The following FRMD6 variants were observed in gnomAD, a reference collection of about 807,000 sequenced individuals.
FRMD6 encodes FERM domain-containing protein 6.
FRMD6 carries 37 observed loss-of-function variants against 73.2 expected under a neutral mutation model. The observed-to-expected ratio is 0.51, with a 90% CI of 0.39 to 0.66. FRMD6 has a LOEUF of 0.66. Ranked by LOEUF, FRMD6 falls within the 30% of genes least tolerant of loss-of-function variation. The pLI is 0.00. For synonymous variants in FRMD6, 273 were observed against 282.2 expected, an observed-to-expected ratio of 0.97 and a Z score of 0.33; for missense variants, 714 against 780.5, an observed-to-expected ratio of 0.91 and a Z score of 1.02.
At chr14:51,597,209 A>G (rs1270191681) in intron 2 of FRMD6, among the ~76,000 whole-genome samples, 1 of 152,220 alleles carries the variant, frequency 6.6e-6, no homozygotes, top group Admixed American at 6.5e-5. Context: ...ATTCTACCAT[A>G]GAGAGCTTAT....
At chr14:51,468,107 G>C in the FRMD6 span, among the ~76,000 whole-genome samples, 1 of 152,044 alleles carries the variant, frequency 6.6e-6, no homozygotes, top group Non-Finnish European at 1.5e-5. Context: ...CGGCCAATAC[G>C]GCGAAACCCC....
At chr14:51,703,814 A>G (rs1053650971) in intron 5 of FRMD6, among the ~76,000 whole-genome samples, 4 of 152,098 alleles carry the variant, frequency 2.6e-5, no homozygotes, top group Non-Finnish European at 4.4e-5. Context: ...GTTTATTGTT[A>G]TCTGCTAATG....
intron 1 of FRMD6, among the ~76,000 whole-genome samples, chr14:51,500,459 G>A (rs962541080): frequency 2.6e-5 from 4 of 152,088 alleles, no homozygotes; most frequent in Non-Finnish European, 5.9e-5. Context: ...CCCTGGAAGC[G>A]GAGGTGGCAG....
In FRMD6 at chr14:51,605,967, T is replaced by C. The variant is rs11850618; in HGVS notation, c.-147+35557T>C. 7.6e-3 allele frequency among the ~76,000 whole-genome samples: 1,164 copies of C among 152,242 alleles called. 12 individuals are homozygous for C. Among genetic ancestry groups the C allele is most frequent in the African/African-American group, 0.027 (1,106 of 41,522 alleles). On this transcript the variant is annotated intron_variant, in intron 2 of 14. Coordinates refer to the FRMD6 transcript ENST00000356218. ...GCTCCATGCTGTTGTCTTCAGAGGGTCAGAGAAATTGGTGTCTTAATTGAA... is the reference window on the plus strand; with the variant it reads ...GCTCCATGCTGTTGTCTTCAGAGGGCCAGAGAAATTGGTGTCTTAATTGAA...
chr14:51,538,227 A>G (rs1160598949), intron 1 of FRMD6, among the ~76,000 whole-genome samples: 1 of 152,022 alleles, frequency 6.6e-6, no homozygotes, highest in Non-Finnish European at 1.5e-5. Context: ...GTATGTGTTA[A>G]CTCTGTACAT....
chr14:51,648,069 C>T (rs986242537), upstream of FRMD6, among the ~76,000 whole-genome samples: 6 of 152,284 alleles, frequency 3.9e-5, no homozygotes, highest in Admixed American at 3.3e-4. Flanking sequence ...AGGTGATTTG[C>T]CCACCTCCGT....
chr14:51,502,909 C>T (rs1233956132), intron 1 of FRMD6, among the ~76,000 whole-genome samples: 1 of 152,194 alleles, frequency 6.6e-6, no homozygotes, highest in Non-Finnish European at 1.5e-5. Context: ...AGAGGTCCTT[C>T]ACATCTCTTG....
rs75632651 is a variant in FRMD6 at position 51,658,880 on chromosome 14, A to G, written c.-147+6884A>G. Reference sequence around the variant, plus strand: ...TAAGCTCATTAAAAAGGTGAAGAGAAGTTAAAATTAGAGAATTTTATAAAT... The same window carrying G: ...TAAGCTCATTAAAAAGGTGAAGAGAGGTTAAAATTAGAGAATTTTATAAAT... On this transcript the variant is annotated intron_variant, in intron 1 of 13. Transcript: ENST00000344768. Among the ~76,000 whole-genome samples the G allele has an allele frequency of 8.0e-3, 1,224 of 152,344 alleles. 19 individuals are homozygous for G. Among genetic ancestry groups the G allele is most frequent in the African/African-American group, 0.028 (1,172 of 41,568 alleles).
the FRMD6 span, among the ~76,000 whole-genome samples, chr14:51,453,027 A>T: frequency 6.6e-6 from 1 of 152,180 alleles, no homozygotes; most frequent in Non-Finnish European, 1.5e-5. Context: ...ATCATCTGAG[A>T]AGCTTGAGGA....
At chr14:51,719,370 A>G (rs759796284) in intron 10 of FRMD6, among the ~76,000 whole-genome samples, 24 of 152,380 alleles carry the variant, frequency 1.6e-4, no homozygotes, top group Middle Eastern at 3.4e-3. Flanking sequence ...TTCTAAGTAG[A>G]TGATAAAGCC....
Position 51,591,689 on chromosome 14 carries a change from T to C in FRMD6, c.-147+21279T>C, listed in dbSNP as rs574624551. Among the ~76,000 whole-genome samples the C allele has an allele frequency of 2.6e-5, 4 of 152,252 alleles. No homozygotes were observed. In the East Asian group the frequency reaches 5.8e-4, roughly 22 times the overall value. ...TCCCAGTTAGCTCAGATTACAGGTG[T>C]GCGCCACCATGCCCAGCTAACTTTT... On this transcript the variant is annotated intron_variant, in intron 2 of 14. Transcript: ENST00000356218.
At chr14:51,670,009 A>C (rs1036868487) in intron 1 of FRMD6, among the ~76,000 whole-genome samples, 1 of 152,026 alleles carries the variant, frequency 6.6e-6, no homozygotes, top group Non-Finnish European at 1.5e-5. Flanking sequence ...GTAGATTAGA[A>C]TCCGATTCTG....
the FRMD6 span, among the ~76,000 whole-genome samples, chr14:51,473,393 G>A: frequency 1.3e-5 from 2 of 152,174 alleles, no homozygotes; most frequent in East Asian, 3.8e-4. Context: ...CTCCTCTGCT[G>A]CCTCAGCTGA....
the FRMD6 span, among the ~76,000 whole-genome samples, chr14:51,477,527 CA>C: frequency 6.6e-6 from 1 of 151,578 alleles, no homozygotes; most frequent in Non-Finnish European, 1.5e-5. Flanking sequence ...GGAGACTATT[CA>C]AAATATAAAA....
chr14:51,414,702 G>A, the FRMD6 span, among the ~76,000 whole-genome samples: 1 of 152,274 alleles, frequency 6.6e-6, no homozygotes, highest in East Asian at 1.9e-4. Flanking sequence ...AAAGTCATTG[G>A]TAGTTTGATG....
chr14:51,655,432 T>C, intron 1 of FRMD6, among the ~76,000 whole-genome samples: 1 of 152,120 alleles, frequency 6.6e-6, no homozygotes, highest in Non-Finnish European at 1.5e-5. Context: ...AGTTATAATG[T>C]ATGTTCCCCA....
the FRMD6 span, among the ~76,000 whole-genome samples, chr14:51,414,635 AG>A: frequency 6.6e-6 from 1 of 152,122 alleles, no homozygotes; most frequent in Non-Finnish European, 1.5e-5. Context: ...TTGGCAATGC[AG>A]GCTCTTTTTT....
intron 1 of FRMD6, among the ~76,000 whole-genome samples, chr14:51,544,904 T>G (rs1164381429): frequency 6.6e-6 from 1 of 152,008 alleles, no homozygotes; most frequent in Non-Finnish European, 1.5e-5. Flanking sequence ...CACACGTGTA[T>G]AAGGATTTTA....
intron 5 of FRMD6, among the ~76,000 whole-genome samples, chr14:51,704,265 A>C (rs1896497001): frequency 6.6e-6 from 1 of 152,134 alleles, no homozygotes; most frequent in Admixed American, 6.6e-5. Flanking sequence ...ATACTTATAA[A>C]GGGCCTTAGA....
Sources: allele counts gnomAD v4.1 joint callset (sites outside exome capture counted in the v4.1 genomes callset), GRCh38; gene constraint gnomAD v4.1.1; transcripts MANE v1.5; gene names NCBI Gene and HGNC (gene_info 2026-07-23, HGNC 2026-07-21).